The following PIEZO2 variants were observed in gnomAD, a reference collection of about 807,000 sequenced individuals.
The protein encoded by PIEZO2 is piezo type mechanosensitive ion channel component 2.
A neutral mutation model predicts 337.3 loss-of-function variants in PIEZO2; 172 were observed. That is an observed-to-expected ratio of 0.51 (90% confidence interval 0.45 to 0.58). The LOEUF (loss-of-function observed/expected upper bound fraction) is 0.58. Ranked by LOEUF, PIEZO2 falls within the 20% of genes least tolerant of loss-of-function variation. The pLI is 0.00. For synonymous variants in PIEZO2, 1,251 were observed against 1,228.5 expected (o/e 1.02, Z -0.38); for missense variants, 3,028 against 3,391.3 (o/e 0.89, Z 2.66).
chr18:10,927,866 C>T (rs1568208003), intron 3 of PIEZO2, among the ~76,000 whole-genome samples: 1 of 152,004 alleles, frequency 6.6e-6, no homozygotes, highest in African/African-American at 2.4e-5. Context: ...ATTTTATACT[C>T]TATTTGCTTT....
chr18:10,997,752 TTAA>T (rs1271571588), intron 2 of PIEZO2, among the ~76,000 whole-genome samples: 1 of 151,972 alleles, frequency 6.6e-6, no homozygotes, highest in Non-Finnish European at 1.5e-5. Flanking sequence ...TTGAAAAAAG[TTAA>T]TAAAACCTCA....
intron 1 of PIEZO2, among the ~76,000 whole-genome samples, chr18:11,073,687 T>C (rs1035403214): frequency 5.9e-5 from 9 of 152,226 alleles, no homozygotes; most frequent in African/African-American, 1.9e-4. Flanking sequence ...ACAATTTTAC[T>C]TGATGTATGT....
At chr18:10,955,975 C>A (rs1386947238) in intron 3 of PIEZO2, among the ~76,000 whole-genome samples, 4 of 152,160 alleles carry the variant, frequency 2.6e-5, no homozygotes, top group African/African-American at 9.6e-5. Context: ...CTGAGCTGTG[C>A]TTTTCCTAAA....
At chr18:10,688,519 G>GTACTTTGCA (rs1353486594) in intron 49 of PIEZO2, among the ~76,000 whole-genome samples, 35 of 152,278 alleles carry the variant, frequency 2.3e-4, no homozygotes, top group African/African-American at 8.2e-4. Flanking sequence ...AGTCCCCTGT[G>GTACTTTGCA]TGTGATCCTT....
chr18:10,844,392 C>T (rs7236599), intron 7 of PIEZO2, among the ~76,000 whole-genome samples: 3,585 of 142,340 alleles, frequency 0.025, 144 homozygotes, highest in African/African-American at 0.091. Flanking sequence ...TGTGCTCCAG[C>T]CTGGGTGACA....
chr18:10,829,975 C>G (rs1437720974), intron 7 of PIEZO2, among the ~76,000 whole-genome samples: 1 of 149,576 alleles, frequency 6.7e-6, no homozygotes, highest in Non-Finnish European at 1.5e-5. Flanking sequence ...CACAAAAGAC[C>G]CAGAATGACC....
At chr18:10,906,159 C>T (rs2029904516) in intron 4 of PIEZO2, among the ~76,000 whole-genome samples, 1 of 152,100 alleles carries the variant, frequency 6.6e-6, no homozygotes, top group Admixed American at 6.5e-5. Flanking sequence ...TATTTGTTAT[C>T]TCATTGCAGA....
At chr18:11,019,011 T>C (rs1427372154) in intron 2 of PIEZO2, among the ~76,000 whole-genome samples, 1 of 152,142 alleles carries the variant, frequency 6.6e-6, no homozygotes, top group Non-Finnish European at 1.5e-5. Context: ...GGAGCCTTGA[T>C]TTTTTGTGCC....
chr18:10,763,739 T>C (rs2038235336), intron 21 of PIEZO2, among the ~76,000 whole-genome samples: 1 of 152,148 alleles, frequency 6.6e-6, no homozygotes, highest in Admixed American at 6.6e-5. Flanking sequence ...TGCTTCCTAT[T>C]GAGATAAATG....
rs1441752436 is a variant in PIEZO2 at position 10,863,884 on chromosome 18, A to ACACACACACACACACACACACC, written c.493-6674_493-6673insGGTGTGTGTGTGTGTGTGTGTG. Among the ~76,000 whole-genome samples, 142 of 152,006 alleles carry ACACACACACACACACACACACC rather than the reference A, an allele frequency of 9.3e-4. 1 individual carries two copies. The highest frequency in any genetic ancestry group is 3.2e-3 in the African/African-American group (133 of 41,448). On this transcript the variant is annotated intron_variant, in intron 5 of 55. Transcript: ENST00000674853. The surrounding 1 kb of genome is among the most constrained non-coding windows in gnomAD (Gnocchi z 4.3). ...CAAATCAGCAGTCACACACACACAC[A>ACACACACACACACACACACACC]CCTATATCATCCACTCAGTTCACAT...
rs919020175 is a variant in PIEZO2 at position 11,009,156 on chromosome 18, C to T, written c.161-29496G>A. Among the ~76,000 whole-genome samples the T allele has an allele frequency of 5.9e-5, 9 of 152,196 alleles. No individual in the cohort carries two copies. The highest frequency in any genetic ancestry group is 2.2e-4 in the African/African-American group (9 of 41,438). On this transcript the variant is annotated intron_variant, in intron 2 of 55. Transcript: ENST00000674853. This position sits in a 1 kb window ranked among gnomAD's most constrained non-coding sequence, Gnocchi z 4.6. ...TTGGTGATTGTCTCAGGGTAGGAAT[C>T]CTGGTAGGTTGCTCTTGCCACGTCA...
chr18:10,988,736 TATTATTCATCCTTAACAAAGAAGG>T lies in PIEZO2; in HGVS notation c.161-9100_161-9077del, dbSNP rs2034977158. On this transcript the variant is annotated intron_variant, in intron 2 of 55. Transcript: ENST00000674853. The surrounding 1 kb of genome is among the most constrained non-coding windows in gnomAD (Gnocchi z 4.8). ...AATTGTGGCATATACATACATAGAA[TATTATTCATCCTTAACAAAGAAGG>T]AAATCATGCCATTTGCAACAATATG... Among the ~76,000 whole-genome samples the T allele has an allele frequency of 6.6e-6, 1 of 152,168 alleles. No individual in the cohort carries two copies. The highest frequency in any genetic ancestry group is 1.5e-5 in the Non-Finnish European group (1 of 68,024).
At chr18:11,022,716 GT>G (rs2036357484) in intron 2 of PIEZO2, among the ~76,000 whole-genome samples, 1 of 152,218 alleles carries the variant, frequency 6.6e-6, no homozygotes, top group Non-Finnish European at 1.5e-5. Context: ...ACAGAATTCA[GT>G]TCGTAAAAAC....
Position 10,759,978 on chromosome 18 carries a change from T to C in PIEZO2, c.3451-69A>G. On this transcript the variant is annotated intron_variant, in intron 24 of 55. Coordinates refer to ENST00000674853, the MANE Select transcript of PIEZO2 (RefSeq NM_001378183.1). The surrounding 1 kb of genome is among the most constrained non-coding windows in gnomAD (Gnocchi z 5.5). ...TGGGAAAGGGGACTGGTGATAGGTGTCAGGTCTGTGTAGATGGCGGAGACC... is the reference window on the plus strand; with the variant it reads ...TGGGAAAGGGGACTGGTGATAGGTGCCAGGTCTGTGTAGATGGCGGAGACC... The C allele has an allele frequency of 1.4e-6, 2 of 1,391,806 alleles. No individual in the cohort carries two copies. The highest frequency in any genetic ancestry group is 2.0e-5 in the Admixed American group (1 of 50,204). The allele number at this position is 1,391,806 out of a possible 1,614,324, so 86.2% of individuals were successfully genotyped here.
intron 1 of PIEZO2, among the ~76,000 whole-genome samples, chr18:11,088,526 A>G (rs375106541): frequency 6.6e-6 from 1 of 152,170 alleles, no homozygotes; most frequent in Non-Finnish European, 1.5e-5. Context: ...AGTTTTTTAA[A>G]TTCTTTGATC....
At chr18:10,822,223 G>A (rs1162450689) in intron 7 of PIEZO2, among the ~76,000 whole-genome samples, 23 of 152,194 alleles carry the variant, frequency 1.5e-4, no homozygotes, top group Admixed American at 1.3e-3. Context: ...GCACTGATCT[G>A]CCATTTGGGA....
At chr18:10,752,079 C>T (rs983384566) in intron 28 of PIEZO2, among the ~76,000 whole-genome samples, 1 of 152,202 alleles carries the variant, frequency 6.6e-6, no homozygotes, top group East Asian at 1.9e-4. Flanking sequence ...GACAGCCAGA[C>T]AGAAGGCTGC....
intron 1 of PIEZO2, among the ~76,000 whole-genome samples, chr18:11,141,617 A>G (rs1261751040): frequency 6.6e-6 from 1 of 152,214 alleles, no homozygotes; most frequent in Non-Finnish European, 1.5e-5. Context: ...CCAAGGCAGC[A>G]GTGGCACCCA....
intron 1 of PIEZO2, among the ~76,000 whole-genome samples, chr18:11,147,475 C>T (rs771878309): frequency 1.1e-4 from 17 of 152,364 alleles, no homozygotes; most frequent in Admixed American, 2.6e-4. Flanking sequence ...ACAAAGAAAA[C>T]ATTTAACACA....
Sources: allele counts gnomAD v4.1 joint callset (sites outside exome capture counted in the v4.1 genomes callset), GRCh38; gene constraint gnomAD v4.1.1; non-coding constraint Gnocchi (gnomAD v3.1); transcripts MANE v1.5; gene names NCBI Gene and HGNC (gene_info 2026-07-23, HGNC 2026-07-21).